Variants in CACNA2D4 observed in about 807,000 individuals in gnomAD.
The protein encoded by CACNA2D4 is voltage-dependent calcium channel subunit alpha-2/delta-4.
In CACNA2D4, 157 loss-of-function variants were observed where a neutral mutation model predicts 163.8. That is an observed-to-expected ratio of 0.96 (90% CI 0.84 to 1.09). The LOEUF (loss-of-function observed/expected upper bound fraction) is 1.09, where lower values mean the gene tolerates loss of function less well. Ranked by LOEUF, CACNA2D4 falls within the 50% of genes least tolerant of loss-of-function variation. The pLI is 0.00. For synonymous variants in CACNA2D4, 598 were observed against 586.9 expected, an observed-to-expected ratio of 1.02 and a Z score of -0.27; for missense variants, 1,410 against 1,479.9, an observed-to-expected ratio of 0.95 and a Z score of 0.78.
rs1865920315 is a variant in CACNA2D4, at chr12:1,878,227, ATG to A, written c.1719+86_1719+87del. On this transcript the variant is annotated intron_variant, in intron 16 of 37. Coordinates refer to ENST00000382722, the MANE Select transcript of CACNA2D4 (RefSeq NM_172364.5). The surrounding 1 kb of genome is among the most constrained non-coding windows in gnomAD (Gnocchi z 4.6). Reference sequence around the variant, plus strand: ...CCACTGGGTTCCTAAATGGAGCCCAATGTGTGTTTGTTGTTTTAATCGTTTTT... The same window carrying A: ...CCACTGGGTTCCTAAATGGAGCCCAATGTGTTTGTTGTTTTAATCGTTTTT... 1 of 1,433,894 alleles carries A rather than the reference ATG, an allele frequency of 7.0e-7. No individual in the cohort carries two copies. The highest frequency in any genetic ancestry group is 2.0e-5 in the Admixed American group (1 of 50,860). 88.8% of individuals were successfully genotyped at this position (1,433,894 alleles called of 1,614,324 possible).
rs1014871605 is a variant in CACNA2D4, at chr12:1,885,137, G to C, written c.1069-61C>G. Reference sequence around the variant, plus strand: ...GTTGAGTGGGCCAGTGGAGCTTCATGTTTGGTGTTAATTTGGGAGGCTGTT... The same window carrying C: ...GTTGAGTGGGCCAGTGGAGCTTCATCTTTGGTGTTAATTTGGGAGGCTGTT... On this transcript the variant is annotated intron_variant, in intron 9 of 37. Coordinates refer to ENST00000382722, the MANE Select transcript of CACNA2D4 (RefSeq NM_172364.5). 5.0e-6 allele frequency: 7 copies of C among 1,405,540 alleles called. No individual in the cohort carries two copies. In the Admixed American group the frequency reaches 1.2e-4, roughly 24 times the overall value. The allele number at this position is 1,405,540 out of a possible 1,614,324, so 87.1% of individuals were successfully genotyped here.
chr12:1,800,933 T>C (rs1392989692), intron 31 of CACNA2D4, 110 bp downstream of exon 31: 3 of 987,344 alleles, frequency 3.0e-6, no homozygotes, highest in South Asian at 1.4e-5. Context: ...GGTAGGGCCC[T>C]GGGGCCAGAC....
intron 23 of CACNA2D4, 102 bp downstream of exon 23, chr12:1,853,849 T>C (rs895430511): frequency 4.7e-6 from 4 of 855,540 alleles, no homozygotes; most frequent in Non-Finnish European, 7.6e-6. Flanking sequence ...AGGACGTGGG[T>C]TCTCTCCTGA....
At chr12:1,893,269 G>A (rs1866328845) in intron 6 of CACNA2D4, among the ~76,000 whole-genome samples, 3 of 152,114 alleles carry the variant, frequency 2.0e-5, no homozygotes, top group Non-Finnish European at 4.4e-5. Flanking sequence ...ATTAATCCCG[G>A]CACTTTGTGG....
intron 19 of CACNA2D4, among the ~76,000 whole-genome samples, 193 bp downstream of exon 19, chr12:1,859,952 T>C (rs1032072678): frequency 1.2e-4 from 19 of 152,308 alleles, no homozygotes; most frequent in African/African-American, 4.6e-4. Flanking sequence ...ATGGTAGAGC[T>C]GGGGTTCACG....
intron 26 of CACNA2D4, among the ~76,000 whole-genome samples, chr12:1,815,269 A>G (rs554421783): frequency 1.4e-5 from 2 of 144,288 alleles, no homozygotes; most frequent in East Asian, 3.9e-4. Flanking sequence ...TCATCCAGAA[A>G]CACTTCACCT....
Position 1,798,725 on chromosome 12 carries a change from A to G in CACNA2D4, c.2995+950T>C, listed in dbSNP as rs1863210673. On this transcript the variant is annotated intron_variant, in intron 34 of 37. Transcript: ENST00000382722. This position sits in a 1 kb window ranked among gnomAD's most constrained non-coding sequence, Gnocchi z 4.3. ...GCTCCAGGGGACAGGTACCCCAGAG[A>G]AGAGAAATTCTGAGCAGGCAGATTG... 6.6e-6 allele frequency among the ~76,000 whole-genome samples: 1 copy of G among 152,140 alleles called. No homozygotes were observed. Among genetic ancestry groups the G allele is most frequent in the African/African-American group, 2.4e-5 (1 of 41,426 alleles).
Position 1,902,562 on chromosome 12 carries a change from A to G in CACNA2D4, c.781+4878T>C, listed in dbSNP as rs1444844193. On this transcript the variant is annotated intron_variant, in intron 6 of 37. Coordinates refer to ENST00000382722, the MANE Select transcript of CACNA2D4 (RefSeq NM_172364.5). ...ATATAAAAATCAGTAGCATTTCTAT[A>G]TGCCAACAGCAAACAATCTGAAAAA... Among the ~76,000 whole-genome samples, 4 of 152,160 alleles carry G rather than the reference A, an allele frequency of 2.6e-5. No individual in the cohort carries two copies. The East Asian group carries it at 7.7e-4, about 29-fold the overall frequency.
In CACNA2D4 at chr12:1,799,836, G is replaced by A. The variant is rs764747666; in HGVS notation, c.2975-141C>T. Reference sequence around the variant, plus strand: ...GATGATGTCACACACAGAGCCAGGAGTGAGGGATGTGATGAGAGAAGGCCA... The same window carrying A: ...GATGATGTCACACACAGAGCCAGGAATGAGGGATGTGATGAGAGAAGGCCA... On this transcript the variant is annotated intron_variant, in intron 33 of 37. Transcript: ENST00000382722. This position sits in a 1 kb window ranked among gnomAD's most constrained non-coding sequence, Gnocchi z 4.7. 7.7e-6 allele frequency: 10 copies of A among 1,291,776 alleles called. No homozygotes were observed. Among genetic ancestry groups the A allele is most frequent in the Non-Finnish European group, 9.8e-6 (9 of 915,322 alleles). 80.0% of individuals were successfully genotyped at this position (1,291,776 alleles called of 1,614,324 possible).
In CACNA2D4 at chr12:1,843,338, AG is replaced by A. The variant is rs1865072949; in HGVS notation, c.2470+1063del. Among the ~76,000 whole-genome samples the A allele has an allele frequency of 6.6e-6, 1 of 152,234 alleles. No individual in the cohort carries two copies. The highest frequency in any genetic ancestry group is 6.5e-5 in the Admixed American group (1 of 15,300). On this transcript the variant is annotated intron_variant, in intron 25 of 37. Transcript: ENST00000382722. The surrounding 1 kb of genome is among the most constrained non-coding windows in gnomAD (Gnocchi z 4.6). ...GGACATTTTTCCATCACGACGCTTG[AG>A]GATGGTTTGGCAAAGTGGTGGTGGA...
intron 26 of CACNA2D4, among the ~76,000 whole-genome samples, chr12:1,837,655 C>T (rs1335201911): frequency 6.6e-6 from 1 of 152,174 alleles, no homozygotes; most frequent in Non-Finnish European, 1.5e-5. Context: ...GGAAGTGAAC[C>T]ATCAGGGTCC....
intron 11 of CACNA2D4, 117 bp downstream of exon 11, chr12:1,884,651 G>T: frequency 1.4e-6 from 1 of 689,886 alleles, no homozygotes; most frequent in Non-Finnish European, 2.5e-6. Flanking sequence ...AAGCAAGAAT[G>T]GCTCTAATAG....
At chr12:1,847,889 T>C (rs1219439629) in intron 23 of CACNA2D4, among the ~76,000 whole-genome samples, 2 of 152,296 alleles carry the variant, frequency 1.3e-5, no homozygotes, top group Non-Finnish European at 2.9e-5. Context: ...TCGATGCCAT[T>C]ATTACACCTT....
intron 18 of CACNA2D4, among the ~76,000 whole-genome samples, chr12:1,871,361 TAC>T (rs1865773986): frequency 7.0e-6 from 1 of 142,724 alleles, no homozygotes; most frequent in Admixed American, 7.2e-5. Context: ...CTGGTGTGTG[TAC>T]ATGTGTGTGC....
Position 1,885,992 on chromosome 12 carries a change from G to T in CACNA2D4, c.1041C>A (p.Leu347=). ...CTCGATTGTCTCGGTCCGCCTGGAC[G>T]AGGATCCCTTTAAAACAAGGCTCGA... is the stretch of plus-strand genomic sequence containing the variant. ...HYIEPCFKGI[L]VQADRDNREH... is the part of the protein sequence containing the mutation. Residue 347 remains leucine, a synonymous_variant, in exon 9 of 38, where the codon CTC becomes CTA. Transcript: ENST00000382722. 1 of 1,613,570 alleles carries T rather than the reference G, an allele frequency of 6.2e-7. No individual in the cohort carries two copies. Among genetic ancestry groups the T allele is most frequent in the Admixed American group, 1.7e-5 (1 of 60,006 alleles).
At chr12:1,797,766 C>A (rs1863179230) in intron 34 of CACNA2D4, 1 of 583,294 alleles carries the variant, frequency 1.7e-6, no homozygotes, top group South Asian at 2.0e-5. Flanking sequence ...GGGCCCTGAG[C>A]CTCGGTGGAG....
At chr12:1,800,222 G>A in intron 32 of CACNA2D4, 164 bp downstream of exon 32, 1 of 937,008 alleles carries the variant, frequency 1.1e-6, no homozygotes, top group Non-Finnish European at 1.7e-6. Context: ...GGGGCAGCAT[G>A]CAGGGAAGAG....
chr12:1,844,506 T>G lies in CACNA2D4; in HGVS notation c.2366A>C (p.Glu789Ala). 6.2e-7 allele frequency: 1 copy of G among 1,613,306 alleles called. No homozygotes were observed. Among genetic ancestry groups the G allele is most frequent in the African/African-American group, 1.3e-5 (1 of 75,046 alleles). The change falls in exon 25 of 38, where the codon GAG becomes GCG. Residue 789 changes from glutamate (E) to alanine (A), a missense_variant. Glu to Ala is a moderately radical substitution (Grantham distance 107). Coordinates refer to ENST00000382722, the MANE Select transcript of CACNA2D4 (RefSeq NM_172364.5). This position sits in a 1 kb window ranked among gnomAD's most constrained non-coding sequence, Gnocchi z 4.2. ...SDRKFLTPED[E>A]ASVFTLDRFP... ...GCGGTCCAGGGTGAACACGCTGGCC[T>G]CGTCCTCAGGTGTCAGGAACTTCCT...
intron 35 of CACNA2D4, among the ~76,000 whole-genome samples, chr12:1,797,128 C>T (rs1331992578): frequency 6.6e-6 from 1 of 152,210 alleles, no homozygotes; most frequent in Non-Finnish European, 1.5e-5. Context: ...GCTGCGGCCT[C>T]GGCGGGGTGG....
Sources: gnomAD v4.1 joint callset for allele counts (sites outside exome capture counted in the v4.1 genomes callset) on GRCh38, gnomAD v4.1.1 for gene constraint, Gnocchi (gnomAD v3.1) non-coding constraint, MANE v1.5 for transcripts, NCBI Gene and HGNC (gene_info 2026-07-23, HGNC 2026-07-21) for gene names.